Variants in ASB9 observed in about 807,000 individuals in gnomAD.
ASB9 encodes ankyrin repeat and SOCS box containing 9, also known as ankyrin repeat and SOCS box protein 9.
In ASB9, 5 loss-of-function variants were observed where a neutral mutation model predicts 16.6. That is an observed-to-expected ratio of 0.30 (90% CI 0.16 to 0.63). The LOEUF is 0.63. Ranked by LOEUF, ASB9 falls within the 30% of genes least tolerant of loss-of-function variation. The pLI, the probability that ASB9 is intolerant of heterozygous loss-of-function variation, is 0.82. For synonymous variants in ASB9, 100 were observed against 86.4 expected (o/e 1.16, Z -0.87); for missense variants, 216 against 229.4 (o/e 0.94, Z 0.38).
At chrX:15,261,981 T>C (rs1381553820) in intron 1 of ASB9, among the ~76,000 whole-genome samples, 1 of 112,429 alleles carries the variant, frequency 8.9e-6, no homozygotes, top group Non-Finnish European at 1.9e-5. Flanking sequence ...GCCATGGATC[T>C]ACTTTCTGTC....
chrX:15,255,677 G>A (rs1466232456), intron 2 of ASB9, among the ~76,000 whole-genome samples: 2 of 111,416 alleles, frequency 1.8e-5, no homozygotes, highest in South Asian at 3.8e-4. Flanking sequence ...TAAAGTCAGC[G>A]TGGCCCAAAT....
chrX:15,266,701 C>T (rs1172357337), intron 1 of ASB9, among the ~76,000 whole-genome samples: 1 of 111,366 alleles, frequency 9.0e-6, no homozygotes, highest in African/African-American at 3.3e-5. Context: ...CTTTGGGAGG[C>T]CAAGGTGGGT....
chrX:15,250,457 C>T lies in ASB9; in HGVS notation c.541G>A (p.Ala181Thr). 8.3e-7 allele frequency: 1 copy of T among 1,211,334 alleles called. No homozygotes were observed. Among genetic ancestry groups the T allele is most frequent in the Non-Finnish European group, 1.1e-6 (1 of 895,112 alleles). The stretch of plus-strand genomic sequence containing the variant: ...GACTCCAGAAGCTTCTTGACACAGG[C>T]TCTCTGTTGGTTTTCACAAGCCAAA... The part of the protein sequence containing the change: ...LYLACENQQR[A>T]CVKKLLESGA... The change falls in exon 5 of 7, where the codon GCC becomes ACC. Residue 181 changes from alanine (A) to threonine (T), a missense_variant. Physicochemically the swap from Ala to Thr is moderately conservative, Grantham distance 58. Transcript: ENST00000380488.
In ASB9 at chrX:15,248,885, C is replaced by T. The variant is rs1924876057; in HGVS notation, c.619G>A (p.Ala207Thr). The T allele has an allele frequency of 8.3e-7, 1 of 1,207,139 alleles. No homozygotes were observed. The highest frequency in any genetic ancestry group is 1.1e-6 in the Non-Finnish European group (1 of 893,507). The change falls in exon 6 of 7, where the codon GCC (alanine) becomes ACC (threonine). Residue 207 changes from alanine to threonine, a missense_variant. By Grantham distance (58) the Ala-to-Thr change is moderately conservative. Coordinates refer to ENST00000380488, the MANE Select transcript of ASB9 (RefSeq NM_001031739.3). Reference sequence around the variant, plus strand: ...GCCAGCTCTTCACTGGCTGTCCTGGCCACTGCATGAAGTGGGGAATCCTGA... The same window carrying T: ...GCCAGCTCTTCACTGGCTGTCCTGGTCACTGCATGAAGTGGGGAATCCTGA... ...KGQDSPLHAV[A>T]RTASEELACL...
intron 1 of ASB9, among the ~76,000 whole-genome samples, chrX:15,260,290 C>T (rs1925870369): frequency 9.0e-6 from 1 of 111,646 alleles, no homozygotes; most frequent in Admixed American, 9.5e-5. Context: ...CCCAGCTAGT[C>T]GGGAGGCTGA....
At chrX:15,253,107 G>A (rs1316981701) in intron 3 of ASB9, among the ~76,000 whole-genome samples, 2 of 110,643 alleles carry the variant, frequency 1.8e-5, no homozygotes, top group African/African-American at 3.3e-5. Flanking sequence ...GGTAGCATGC[G>A]CCTGTAGTCC....
At chrX:15,266,451 ACCT>A (rs1447304285) in intron 1 of ASB9, among the ~76,000 whole-genome samples, 1 of 111,575 alleles carries the variant, frequency 9.0e-6, no homozygotes, top group African/African-American at 3.3e-5. Context: ...ATGAAGCCTG[ACCT>A]CCTCCACTTA....
intron 4 of ASB9, among the ~76,000 whole-genome samples, chrX:15,251,343 C>T (rs913836304): frequency 1.3e-4 from 14 of 111,834 alleles, no homozygotes; most frequent in African/African-American, 4.5e-4. Flanking sequence ...ATAGGCAATG[C>T]TTAGAAGAAA....
At chrX:15,269,068 G>C (rs1721066746) in intron 1 of ASB9, among the ~76,000 whole-genome samples, 1 of 111,657 alleles carries the variant, frequency 9.0e-6, no homozygotes, top group Non-Finnish European at 1.9e-5. Flanking sequence ...ATTGGTCTCA[G>C]TTTGGGAAAG....
intron 6 of ASB9, among the ~76,000 whole-genome samples, chrX:15,246,743 T>G (rs947331791): frequency 1.6e-4 from 18 of 110,929 alleles, no homozygotes; most frequent in African/African-American, 5.9e-4. Flanking sequence ...TCCCAAAGTG[T>G]GGAGATTACA....
At chrX:15,246,756 C>G (rs1179979720) in intron 6 of ASB9, among the ~76,000 whole-genome samples, 3 of 111,358 alleles carry the variant, frequency 2.7e-5, no homozygotes, top group Non-Finnish European at 3.8e-5. Context: ...AGATTACAGG[C>G]GTGAGCCACC....
At chrX:15,248,043 T>A (rs757911987) in intron 6 of ASB9, among the ~76,000 whole-genome samples, 7 of 111,852 alleles carry the variant, frequency 6.3e-5, no homozygotes, top group African/African-American at 2.3e-4. Flanking sequence ...GAGTCCATAC[T>A]CCGGTAAGAA....
intron 1 of ASB9, among the ~76,000 whole-genome samples, chrX:15,263,189 C>A (rs904534555): frequency 9.0e-6 from 1 of 111,035 alleles, no homozygotes; most frequent in African/African-American, 3.3e-5. Context: ...GAATGCTGGG[C>A]GGTAGCATAA....
intron 1 of ASB9, among the ~76,000 whole-genome samples, chrX:15,267,844 T>C (rs1926656949): frequency 9.1e-6 from 1 of 109,506 alleles, no homozygotes; most frequent in South Asian, 4.0e-4. Context: ...GCTCAATACA[T>C]CTGCTGATTA....
chrX:15,270,068 G>T lies in ASB9; in HGVS notation c.-194C>A. 1 of 335,680 alleles carries T rather than the reference G, an allele frequency of 3.0e-6. No homozygotes were observed. The allele number at this position is 335,680 out of a possible 1,213,427, so 27.7% of individuals were successfully genotyped here. On this transcript the variant is annotated 5_prime_UTR_variant, in exon 1 of 7. Coordinates refer to ENST00000380488, the MANE Select transcript of ASB9 (RefSeq NM_001031739.3). ...GAGTGCTACCTGTGATCAGAGAGAG[G>T]CATGCGCTCGTGTACACACACACAC...
intron 2 of ASB9, among the ~76,000 whole-genome samples, chrX:15,256,823 G>A (rs1427079495): frequency 3.8e-5 from 4 of 106,132 alleles, no homozygotes; most frequent in African/African-American, 1.0e-4. Flanking sequence ...AACTTTTGTC[G>A]TGATCAAAGA....
At chrX:15,258,786 A>G in intron 2 of ASB9, 80 bp downstream of exon 2, 1 of 782,505 alleles carries the variant, frequency 1.3e-6, no homozygotes, top group South Asian at 2.4e-5. Flanking sequence ...AATTAATTTA[A>G]AAGTCCCTAT....
chrX:15,249,011 C>T (rs1924895757), intron 5 of ASB9, 76 bp from the exon 6 acceptor site: 1 of 999,661 alleles, frequency 1.0e-6, no homozygotes, highest in East Asian at 3.3e-5. Context: ...AGCCCCGAGC[C>T]CCAAAATTTC....
At chrX:15,257,530 A>C (rs1925674456) in intron 2 of ASB9, among the ~76,000 whole-genome samples, 1 of 111,980 alleles carries the variant, frequency 8.9e-6, no homozygotes, top group Non-Finnish European at 1.9e-5. Flanking sequence ...TTTTCACCAC[A>C]TATTCACATT....
Sources: allele counts gnomAD v4.1 joint callset (sites outside exome capture counted in the v4.1 genomes callset), GRCh38; gene constraint gnomAD v4.1.1; transcripts MANE v1.5; gene names NCBI Gene and HGNC (gene_info 2026-07-23, HGNC 2026-07-21).